STRIP2: variants seen among roughly 807,000 people sequenced by gnomAD.
STRIP2 encodes the protein striatin-interacting protein 2.
A neutral mutation model predicts 107.1 loss-of-function variants in STRIP2; 84 were observed. That is an observed-to-expected ratio of 0.78 (90% CI 0.66 to 0.94). STRIP2 has a LOEUF of 0.94. STRIP2 is among the 40% of genes least tolerant of loss of function. The probability of loss-of-function intolerance (pLI) is 0.00; values close to 1 mark genes in which losing one functional copy is unlikely to be tolerated. For missense variants in STRIP2, 888 were observed against 1,034.2 expected (o/e 0.86, Z 1.94); for synonymous variants, 394 against 400.4 (o/e 0.98, Z 0.19).
intron 18 of STRIP2, among the ~76,000 whole-genome samples, chr7:129,479,728 G>A (rs2151018803): frequency 6.6e-6 from 1 of 152,128 alleles, no homozygotes; most frequent in East Asian, 1.9e-4. Flanking sequence ...CTGAACTCAG[G>A]TCATCTGCCT....
chr7:129,475,872 G>C (rs1052592518), intron 18 of STRIP2, among the ~76,000 whole-genome samples: 3 of 150,966 alleles, frequency 2.0e-5, no homozygotes, highest in Admixed American at 1.3e-4. Context: ...AGAGAGCACC[G>C]GGTTGGGGGC....
intron 6 of STRIP2, 37 bp downstream of exon 6, chr7:129,454,247 A>G: frequency 6.2e-7 from 1 of 1,603,296 alleles, no homozygotes; most frequent in Non-Finnish European, 8.5e-7. Flanking sequence ...AACAGGGCAG[A>G]TGATTAGCAC....
chr7:129,474,802 G>C (rs1584965482), intron 18 of STRIP2, among the ~76,000 whole-genome samples: 1 of 152,204 alleles, frequency 6.6e-6, no homozygotes, highest in Non-Finnish European at 1.5e-5. Context: ...CTGAGCCACC[G>C]CTGGGCTGAG....
chr7:129,480,196 C>G (rs1799082608), intron 18 of STRIP2, among the ~76,000 whole-genome samples: 1 of 152,182 alleles, frequency 6.6e-6, no homozygotes, highest in Non-Finnish European at 1.5e-5. Context: ...CATCTGTTGT[C>G]TCTGGTTAGG....
Position 129,485,777 on chromosome 7 carries a change from G to A in STRIP2, c.2453G>A (p.Arg818Lys). The change falls in exon 21 of 21, where the codon AGA becomes AAA. Residue 818 changes from arginine (R) to lysine (K), a missense_variant. Arg to Lys is a conservative substitution (Grantham distance 26). Transcript: ENST00000249344. Reference protein sequence around the residue: ...FHYSYELWLEREVFSQPICWE... With the variant: ...FHYSYELWLEKEVFSQPICWE... ...TATTCATATGAGCTCTGGCTCGAGA[G>A]AGAGGTGTTTTCACAGCCCATCTGT... The A allele has an allele frequency of 6.2e-7, 1 of 1,614,196 alleles. No individual in the cohort carries two copies. Among genetic ancestry groups the A allele is most frequent in the Non-Finnish European group, 8.5e-7 (1 of 1,180,046 alleles).
chr7:129,462,074 C>T (rs1056746985), intron 13 of STRIP2, among the ~76,000 whole-genome samples: 8 of 152,124 alleles, frequency 5.3e-5, no homozygotes, highest in African/African-American at 1.9e-4. Context: ...CTTCTGTTTT[C>T]TCCATGAAGC....
intron 3 of STRIP2, among the ~76,000 whole-genome samples, chr7:129,447,810 G>A (rs1798077804): frequency 1.3e-5 from 2 of 152,188 alleles, no homozygotes; most frequent in South Asian, 2.1e-4. Flanking sequence ...TGCAATTGGA[G>A]TCACCACTTG....
At position 129,485,842 on chromosome 7, in the gene STRIP2, C is replaced by G. The variant is rs1318884251; in HGVS notation, c.*13C>G. On this transcript the variant is annotated 3_prime_UTR_variant, in exon 21 of 21. Coordinates refer to ENST00000249344, the MANE Select transcript of STRIP2 (RefSeq NM_020704.3). ...CCAGAATCACTGACTAAGTTCTTGT[C>G]AACAAGCATCAATAGATAGAGGTCA... 2.5e-6 allele frequency: 4 copies of G among 1,613,062 alleles called. No individual in the cohort carries two copies. The African/African-American group carries it at 4.0e-5, about 16-fold the overall frequency.
chr7:129,464,779 T>G (rs369044450), intron 16 of STRIP2, 41 bp downstream of exon 16: 94 of 1,613,120 alleles, frequency 5.8e-5, no homozygotes, highest in Non-Finnish European at 7.3e-5. Flanking sequence ...CTTGGGTGTT[T>G]GCCAGGCCCT....
Position 129,441,271 on chromosome 7 carries a change from T to TGGGG in STRIP2, c.199+1183_199+1186dup, listed in dbSNP as rs1263295865. On this transcript the variant is annotated intron_variant, in intron 2 of 20. Coordinates refer to ENST00000249344, the MANE Select transcript of STRIP2 (RefSeq NM_020704.3). The stretch of plus-strand genomic sequence containing the variant: ...TAGTACTTTTATGCACTGCTAGACA[T>TGGGG]GGGGGGAGCAGAGTATAAAATTGAA... 7.2e-5 allele frequency among the ~76,000 whole-genome samples: 11 copies of TGGGG among 152,180 alleles called. No homozygotes were observed. In the East Asian group the frequency reaches 1.9e-3, roughly 27 times the overall value.
chr7:129,477,508 CACAT>C (rs1799002628), intron 18 of STRIP2, among the ~76,000 whole-genome samples: 2 of 152,130 alleles, frequency 1.3e-5, no homozygotes, highest in African/African-American at 2.4e-5. Flanking sequence ...TTTTCAAACT[CACAT>C]ACCCAGGTAT....
intron 17 of STRIP2, among the ~76,000 whole-genome samples, chr7:129,469,106 G>A (rs1298346593): frequency 6.6e-6 from 1 of 152,206 alleles, no homozygotes; most frequent in Non-Finnish European, 1.5e-5. Flanking sequence ...CTGTGGCTAG[G>A]GGAGTGGTAT....
At chr7:129,464,584 G>GCA in intron 15 of STRIP2, 28 bp from the exon 16 acceptor site, 3 of 1,613,544 alleles carry the variant, frequency 1.9e-6, no homozygotes, top group Non-Finnish European at 2.5e-6. Flanking sequence ...GCCACTCTCT[G>GCA]CACTAATACC....
Position 129,434,460 on chromosome 7 carries a change from G to A in STRIP2, c.-13G>A, listed in dbSNP as rs1221394720. 1 of 1,502,600 alleles carries A rather than the reference G, an allele frequency of 6.7e-7. No individual in the cohort carries two copies. The highest frequency in any genetic ancestry group is 2.6e-5 in the East Asian group (1 of 37,810). 93.1% of individuals were successfully genotyped at this position (1,502,600 alleles called of 1,614,324 possible). A position where few individuals can be genotyped will look rare whatever the true frequency, so the allele number is the denominator to read the frequency against. ...AGCGAGCTGAACCCTGAGGGGAGCC[G>A]CTGACCAGCAGCATGGAGGACCCCG... On this transcript the variant is annotated 5_prime_UTR_variant, in exon 1 of 21. Transcript: ENST00000249344.
chr7:129,437,819 T>G (rs529640491), intron 1 of STRIP2, among the ~76,000 whole-genome samples: 9 of 150,622 alleles, frequency 6.0e-5, no homozygotes, highest in Admixed American at 4.6e-4. Context: ...TTGTTTTTTT[T>G]TTTTTTGACA....
Position 129,486,021 on chromosome 7 carries a change from C to A in STRIP2, c.*192C>A. On this transcript the variant is annotated 3_prime_UTR_variant, in exon 21 of 21. Transcript: ENST00000249344. ...CTTGCCCTGGGGTCAGTTGGGTGCC[C>A]AGTTGGCCTTGGAAATCTTTTGGTG... is the stretch of plus-strand genomic sequence containing the variant. 1 of 600,344 alleles carries A rather than the reference C, an allele frequency of 1.7e-6. No homozygotes were observed. 37.2% of individuals were successfully genotyped at this position (600,344 alleles called of 1,614,324 possible).
intron 3 of STRIP2, among the ~76,000 whole-genome samples, chr7:129,450,028 C>G (rs1480258880): frequency 6.6e-6 from 1 of 152,208 alleles, no homozygotes; most frequent in Non-Finnish European, 1.5e-5. Flanking sequence ...AGTGGTGAAT[C>G]AGGAATGTCA....
rs1798521816 is a variant in STRIP2 at position 129,461,124 on chromosome 7, A to G, written c.1476+752A>G. Reference sequence around the variant, plus strand: ...CGACCTGGATTTGGAGATGTAGCTGACAAGACTTGCAGTGCATTTGGATGT... The same window carrying G: ...CGACCTGGATTTGGAGATGTAGCTGGCAAGACTTGCAGTGCATTTGGATGT... On this transcript the variant is annotated intron_variant, in intron 13 of 20. Transcript: ENST00000249344. This position sits in a 1 kb window ranked among gnomAD's most constrained non-coding sequence, Gnocchi z 4.0. Among the ~76,000 whole-genome samples the G allele has an allele frequency of 1.3e-5, 2 of 152,238 alleles. No individual in the cohort carries two copies. The highest frequency in any genetic ancestry group is 2.9e-5 in the Non-Finnish European group (2 of 68,034).
chr7:129,442,079 G>A (rs1479080989), intron 2 of STRIP2, among the ~76,000 whole-genome samples: 1 of 152,152 alleles, frequency 6.6e-6, no homozygotes, highest in Non-Finnish European at 1.5e-5. Flanking sequence ...ACAAAAATTA[G>A]CTGGGCATCG....
Sources: allele counts gnomAD v4.1 joint callset (sites outside exome capture counted in the v4.1 genomes callset), GRCh38; gene constraint gnomAD v4.1.1; non-coding constraint Gnocchi (gnomAD v3.1); transcripts MANE v1.5; gene names NCBI Gene and HGNC (gene_info 2026-07-23, HGNC 2026-07-21).